PCSK6: variants seen among roughly 807,000 people sequenced by gnomAD.
PCSK6 encodes the protein proprotein convertase subtilisin/kexin type 6.
PCSK6 carries 85 observed loss-of-function variants against 123.3 expected under a neutral mutation model. The ratio of observed to expected loss-of-function variants is 0.69; its 90% CI spans 0.58 to 0.83. The LOEUF is 0.83. PCSK6 is among the 40% of genes least tolerant of loss of function. The pLI is 0.00. For missense variants in PCSK6, 1,191 were observed against 1,282.3 expected, an observed-to-expected ratio of 0.93 and a Z score of 1.09; for synonymous variants, 508 against 516.0, an observed-to-expected ratio of 0.98 and a Z score of 0.21.
Position 101,305,563 on chromosome 15 carries a change from C to G in PCSK6, c.2813-208G>C, listed in dbSNP as rs2039704338. The G allele has an allele frequency of 2.1e-6, 1 of 486,830 alleles. No individual in the cohort carries two copies. Among genetic ancestry groups the G allele is most frequent in the South Asian group, 2.2e-5 (1 of 45,968 alleles). 30.2% of individuals were successfully genotyped at this position (486,830 alleles called of 1,614,324 possible). A position where few individuals can be genotyped will look rare whatever the true frequency, so the allele number is the denominator to read the frequency against. ...TCTCTACTAATAATATAAAAATTAG[C>G]TGGGCATGGTGGTGGGCACCTGTAA... is the stretch of plus-strand genomic sequence containing the variant. On this transcript the variant is annotated intron_variant, in intron 21 of 21. Transcript: ENST00000611716. The surrounding 1 kb of genome is among the most constrained non-coding windows in gnomAD (Gnocchi z 4.8).
At chr15:101,478,712 A>G (rs970507365) in intron 1 of PCSK6, among the ~76,000 whole-genome samples, 4 of 152,216 alleles carry the variant, frequency 2.6e-5, no homozygotes, top group Non-Finnish European at 5.9e-5. Flanking sequence ...CTTGGCCTTG[A>G]GAGCAGAGTC....
At chr15:101,442,674 C>G (rs2056787573) in intron 2 of PCSK6, among the ~76,000 whole-genome samples, 1 of 151,872 alleles carries the variant, frequency 6.6e-6, no homozygotes, top group South Asian at 2.1e-4. Context: ...AGCCAGGGGG[C>G]CCAAACAAAC....
chr15:101,382,059 T>C, intron 11 of PCSK6, 33 bp downstream of exon 11: 1 of 1,481,760 alleles, frequency 6.7e-7, no homozygotes, highest in African/African-American at 1.4e-5. Flanking sequence ...CCCACGTGCC[T>C]GAGAAGTCAC....
intron 6 of PCSK6, among the ~76,000 whole-genome samples, chr15:101,422,913 G>A (rs965316983): frequency 1.2e-4 from 19 of 152,116 alleles, no homozygotes; most frequent in South Asian, 6.2e-4. Flanking sequence ...GAGCCACCGC[G>A]CCTGGCCAAG....
chr15:101,454,385 C>T (rs1384359223), intron 1 of PCSK6, among the ~76,000 whole-genome samples: 1 of 152,162 alleles, frequency 6.6e-6, no homozygotes, highest in Non-Finnish European at 1.5e-5. Flanking sequence ...GTGTCTGTGG[C>T]TGGTTGAGTG....
intron 1 of PCSK6, among the ~76,000 whole-genome samples, chr15:101,452,493 C>T (rs1242244362): frequency 1.3e-5 from 2 of 152,266 alleles, no homozygotes; most frequent in East Asian, 3.9e-4. Context: ...CTGTAAAACT[C>T]TTCTTTTTCC....
chr15:101,305,492 G>A lies in PCSK6; in HGVS notation c.2813-137C>T. ...GGAGGCCGAGGTGGGTGGATCACCTGAGGTCAGGAGCTTGAGACCAGTCTA... is the reference window on the plus strand; with the variant it reads ...GGAGGCCGAGGTGGGTGGATCACCTAAGGTCAGGAGCTTGAGACCAGTCTA... On this transcript the variant is annotated intron_variant, in intron 21 of 21. Coordinates refer to ENST00000611716, the MANE Select transcript of PCSK6 (RefSeq NM_002570.5). This position sits in a 1 kb window ranked among gnomAD's most constrained non-coding sequence, Gnocchi z 4.8. 1 of 656,532 alleles carries A rather than the reference G, an allele frequency of 1.5e-6. No individual in the cohort carries two copies. The highest frequency in any genetic ancestry group is 1.7e-5 in the South Asian group (1 of 59,456). 40.7% of individuals were successfully genotyped at this position (656,532 alleles called of 1,614,324 possible). A position where few individuals can be genotyped will look rare whatever the true frequency, so the allele number is the denominator to read the frequency against.
At chr15:101,390,354 G>GCC (rs5815009) in intron 8 of PCSK6, among the ~76,000 whole-genome samples, 1 of 112,734 alleles carries the variant, frequency 8.9e-6, no homozygotes, top group African/African-American at 2.9e-5. Flanking sequence ...TGGGATTGTC[G>GCC]CCCCATCATC....
chr15:101,450,632 C>T (rs2057010186), intron 1 of PCSK6, among the ~76,000 whole-genome samples: 1 of 152,204 alleles, frequency 6.6e-6, no homozygotes, highest in African/African-American at 2.4e-5. Flanking sequence ...CTCCAAATGA[C>T]ATTGGGAGGA....
At chr15:101,447,949 T>C (rs941389080) in intron 1 of PCSK6, among the ~76,000 whole-genome samples, 1 of 152,244 alleles carries the variant, frequency 6.6e-6, no homozygotes, top group Non-Finnish European at 1.5e-5. Context: ...AGGGAGGCGC[T>C]GCCTCCACCA....
In PCSK6 at chr15:101,370,487, G is replaced by A. The variant is rs182482754; in HGVS notation, c.1569C>T (p.Ala523=). The change falls in exon 12 of 22, where the codon GCC becomes GCT. Residue 523 remains alanine, a synonymous_variant. Coordinates refer to ENST00000611716, the MANE Select transcript of PCSK6 (RefSeq NM_002570.5). ...IPLVQVLRTT[A]LTSACAEHSD... is the part of the protein sequence containing the mutation. ...AGTGCTCCGCGCAGGCGCTGGTCAG[G>A]GCCGTAGTCCGCAGCACCTGCACTA... 6 of 1,539,846 alleles carry A rather than the reference G, an allele frequency of 3.9e-6. No individual in the cohort carries two copies. Among genetic ancestry groups the A allele is most frequent in the Middle Eastern group, 1.7e-4 (1 of 5,870 alleles).
At chr15:101,395,819 C>T (rs769482577) in intron 7 of PCSK6, among the ~76,000 whole-genome samples, 7 of 152,204 alleles carry the variant, frequency 4.6e-5, no homozygotes, top group African/African-American at 1.4e-4. Flanking sequence ...CACCTGGACG[C>T]GGCCAGTGTC....
At chr15:101,359,499 C>T (rs1202404064) in intron 13 of PCSK6, among the ~76,000 whole-genome samples, 3 of 152,238 alleles carry the variant, frequency 2.0e-5, no homozygotes, top group African/African-American at 7.2e-5. Flanking sequence ...CTAATTAATC[C>T]GCCAACACCT....
intron 1 of PCSK6, among the ~76,000 whole-genome samples, chr15:101,463,448 TC>T (rs1169654294): frequency 1.3e-5 from 2 of 152,196 alleles, no homozygotes; most frequent in Non-Finnish European, 2.9e-5. Flanking sequence ...TGCTACCAGT[TC>T]CTGGTGGTTT....
rs566053539 is a variant in PCSK6 at position 101,354,031 on chromosome 15, C to T, written c.1858+12165G>A. On this transcript the variant is annotated intron_variant, in intron 13 of 21. Transcript: ENST00000611716. ...CTGGGCAGAGGACAGGTTGGAGGCTCGGAGCATGGAAATGGCCTGCCGAGG... is the reference window on the plus strand; with the variant it reads ...CTGGGCAGAGGACAGGTTGGAGGCTTGGAGCATGGAAATGGCCTGCCGAGG... Among the ~76,000 whole-genome samples the T allele has an allele frequency of 2.6e-3, 397 of 152,294 alleles. 5 individuals carry two copies. Among genetic ancestry groups the T allele is most frequent in the African/African-American group, 9.1e-3 (378 of 41,574 alleles).
At chr15:101,474,429 G>T (rs1314243087) in intron 1 of PCSK6, among the ~76,000 whole-genome samples, 3 of 152,194 alleles carry the variant, frequency 2.0e-5, no homozygotes, top group African/African-American at 7.2e-5. Flanking sequence ...GATCACTGGG[G>T]TGCGCAGCCT....
At chr15:101,367,462 A>T (rs1567168923) in intron 12 of PCSK6, among the ~76,000 whole-genome samples, 1 of 152,230 alleles carries the variant, frequency 6.6e-6, no homozygotes, top group Non-Finnish European at 1.5e-5. Flanking sequence ...GAAAATGTTT[A>T]TCTAGGGAAC....
intron 13 of PCSK6, chr15:101,364,992 A>C: frequency 1.3e-6 from 1 of 778,784 alleles, no homozygotes; most frequent in East Asian, 2.4e-5. Context: ...AGAGTGTGGA[A>C]ACGAACCTCT....
chr15:101,374,919 A>C (rs2041688984), intron 11 of PCSK6, among the ~76,000 whole-genome samples: 1 of 151,348 alleles, frequency 6.6e-6, no homozygotes, highest in African/African-American at 2.4e-5. Flanking sequence ...CCTTATTCAT[A>C]TGAGTTCAGA....
Sources: gnomAD v4.1 joint callset for allele counts (sites outside exome capture counted in the v4.1 genomes callset) on GRCh38, gnomAD v4.1.1 for gene constraint, Gnocchi (gnomAD v3.1) non-coding constraint, MANE v1.5 for transcripts, NCBI Gene and HGNC (gene_info 2026-07-23, HGNC 2026-07-21) for gene names.